CADPS: variants seen among roughly 807,000 people sequenced by gnomAD.
The protein encoded by CADPS is calcium dependent secretion activator, also known as calcium-dependent secretion activator 1.
In CADPS, 57 loss-of-function variants were observed where a neutral mutation model predicts 167.3. The observed-to-expected ratio is 0.34, with a 90% CI of 0.28 to 0.42. CADPS has a LOEUF of 0.42. Ranked by LOEUF, CADPS falls within the 20% of genes least tolerant of loss-of-function variation. CADPS has a pLI of 1.00. For synonymous variants in CADPS, 676 were observed against 635.3 expected (o/e 1.06, Z -0.96); for missense variants, 1,414 against 1,738.1 (o/e 0.81, Z 3.32).
intron 29 of CADPS, among the ~76,000 whole-genome samples, chr3:62,400,810 G>C (rs1456877758): frequency 6.6e-6 from 1 of 151,926 alleles, no homozygotes; most frequent in Non-Finnish European, 1.5e-5. Flanking sequence ...ATGTTGGCCA[G>C]GATGGTCTTG....
chr3:62,860,443 T>A (rs764357889), intron 1 of CADPS, among the ~76,000 whole-genome samples: 13 of 152,136 alleles, frequency 8.5e-5, no homozygotes, highest in Admixed American at 2.0e-4. Context: ...CGTTCTGGCA[T>A]ACACTAAAAT....
At chr3:62,671,257 C>T (rs983325182) in intron 3 of CADPS, among the ~76,000 whole-genome samples, 1 of 151,866 alleles carries the variant, frequency 6.6e-6, no homozygotes, top group African/African-American at 2.4e-5. Context: ...TGTTTTTTAT[C>T]CAGCATAGAG....
At chr3:62,517,485 CA>C (rs772936494) in intron 14 of CADPS, among the ~76,000 whole-genome samples, 6 of 152,154 alleles carry the variant, frequency 3.9e-5, no homozygotes, top group Non-Finnish European at 8.8e-5. Flanking sequence ...CTCCAGCCTC[CA>C]GTTCTATATC....
rs999337335 is a variant in CADPS, at chr3:62,602,176, C to T, written c.1326-9428G>A. On this transcript the variant is annotated intron_variant, in intron 6 of 29. Coordinates refer to ENST00000383710, the MANE Select transcript of CADPS (RefSeq NM_003716.4). The surrounding 1 kb of genome is among the most constrained non-coding windows in gnomAD (Gnocchi z 4.4). ...ACCTTTGACAACAGAGTGATATTTA[C>T]GAATGCATATGTGAGTAAGCCAAGA... Among the ~76,000 whole-genome samples the T allele has an allele frequency of 5.4e-5, 8 of 148,178 alleles. No homozygotes were observed. The highest frequency in any genetic ancestry group is 1.2e-4 in the Non-Finnish European group (8 of 67,766).
chr3:62,632,668 C>T lies in CADPS; in HGVS notation c.1325+13054G>A, dbSNP rs183898590. Among the ~76,000 whole-genome samples the T allele has an allele frequency of 3.4e-4, 51 of 152,170 alleles. 1 individual carries two copies. The highest frequency in any genetic ancestry group is 1.2e-3 in the African/African-American group (50 of 41,500). On this transcript the variant is annotated intron_variant, in intron 6 of 29. Transcript: ENST00000383710. The stretch of plus-strand genomic sequence containing the variant: ...TAGGTTATTTCTCAAAATAGTTTCC[C>T]GTTAATAATACCTCCCTACCTAGCA...
chr3:62,875,059 GC>G lies in CADPS; in HGVS notation c.-31del. The stretch of plus-strand genomic sequence containing the variant: ...GCGCCTGGGGAGCGGGGTCTCTGGA[GC>G]CCCCGGCTTGGAGTGCAAAAGGTGG... On this transcript the variant is annotated 5_prime_UTR_variant, in exon 1 of 30. Coordinates refer to ENST00000383710, the MANE Select transcript of CADPS (RefSeq NM_003716.4). 9 of 1,561,768 alleles carry G rather than the reference GC, an allele frequency of 5.8e-6. No individual in the cohort carries two copies. Among genetic ancestry groups the G allele is most frequent in the East Asian group, 2.5e-5 (1 of 39,452 alleles).
chr3:62,519,581 A>C (rs1272438053), intron 13 of CADPS, among the ~76,000 whole-genome samples: 1 of 152,170 alleles, frequency 6.6e-6, no homozygotes, highest in Non-Finnish European at 1.5e-5. Flanking sequence ...GGTTGCCTTC[A>C]AATTCTCTGG....
chr3:62,826,136 G>C (rs1042061369), intron 1 of CADPS, among the ~76,000 whole-genome samples: 1 of 152,166 alleles, frequency 6.6e-6, no homozygotes, highest in African/African-American at 2.4e-5. Flanking sequence ...AGATGCAGTG[G>C]AGGCAGATGA....
chr3:62,800,279 T>C (rs2093682688), intron 1 of CADPS, among the ~76,000 whole-genome samples: 1 of 152,112 alleles, frequency 6.6e-6, no homozygotes, highest in African/African-American at 2.4e-5. Context: ...TTTAAAATGA[T>C]AGTCATCATC....
intron 6 of CADPS, among the ~76,000 whole-genome samples, chr3:62,611,136 C>T (rs752306512): frequency 6.6e-6 from 1 of 152,084 alleles, no homozygotes; most frequent in Non-Finnish European, 1.5e-5. Flanking sequence ...TCATAGGCAC[C>T]CCACATAACA....
chr3:62,649,748 C>T (rs1043628749), intron 5 of CADPS, among the ~76,000 whole-genome samples: 1 of 151,150 alleles, frequency 6.6e-6, no homozygotes, highest in Non-Finnish European at 1.5e-5. Context: ...AGAGATGTCT[C>T]ACTATGTTGC....
At chr3:62,865,385 T>TAAAA (rs35780515) in intron 1 of CADPS, among the ~76,000 whole-genome samples, 13 of 110,130 alleles carry the variant, frequency 1.2e-4, no homozygotes, top group African/African-American at 4.4e-4. Flanking sequence ...ACTTAAGGAT[T>TAAAA]AAAAAAAAAA....
rs529003942 is a variant in CADPS at position 62,678,504 on chromosome 3, T to C, written c.889-16110A>G. 5.7e-4 allele frequency among the ~76,000 whole-genome samples: 87 copies of C among 152,152 alleles called. 1 individual carries two copies. The South Asian group carries it at 0.017, about 30-fold the overall frequency. ...CTGTGTTTCTCAGGAATTTTTTTTT[T>C]CCACTGGAATGAGAAACCACACTTA... On this transcript the variant is annotated intron_variant, in intron 3 of 29. Coordinates refer to ENST00000383710, the MANE Select transcript of CADPS (RefSeq NM_003716.4).
At chr3:62,857,762 T>C (rs966208140) in intron 1 of CADPS, among the ~76,000 whole-genome samples, 1 of 152,070 alleles carries the variant, frequency 6.6e-6, no homozygotes, top group African/African-American at 2.4e-5. Flanking sequence ...AAATTTTTAT[T>C]TTATGTATTT....
chr3:62,848,445 T>C (rs1318218337), intron 1 of CADPS, among the ~76,000 whole-genome samples: 5 of 108,888 alleles, frequency 4.6e-5, no homozygotes, highest in African/African-American at 1.8e-4. Flanking sequence ...CCATCTTGAA[T>C]TGATTTTTGT....
At position 62,491,531 on chromosome 3, in the gene CADPS, C is replaced by T. The variant is rs186586405; in HGVS notation, c.2885-51G>A. 3,400 of 1,310,642 alleles carry T rather than the reference C, an allele frequency of 2.6e-3. 8 individuals carry two copies. The highest frequency in any genetic ancestry group is 3.2e-3 in the Non-Finnish European group (3,044 of 944,590). 81.2% of individuals were successfully genotyped at this position (1,310,642 alleles called of 1,614,324 possible). On this transcript the variant is annotated intron_variant, in intron 20 of 29. Coordinates refer to ENST00000383710, the MANE Select transcript of CADPS (RefSeq NM_003716.4). The stretch of plus-strand genomic sequence containing the variant: ...TAAGAACCCACAGCTACTTTATCAA[C>T]GTACAACACACACACACACACACAC...
intron 3 of CADPS, among the ~76,000 whole-genome samples, chr3:62,751,048 C>G (rs112960573): frequency 0.017 from 2,614 of 152,116 alleles, 83 homozygotes; most frequent in African/African-American, 0.059. Context: ...AAAGGTTTTC[C>G]CATTATGAAG....
At chr3:62,770,476 A>C (rs1298116422) in intron 1 of CADPS, among the ~76,000 whole-genome samples, 1 of 152,102 alleles carries the variant, frequency 6.6e-6, no homozygotes, top group African/African-American at 2.4e-5. Flanking sequence ...CCCAGGCTGG[A>C]GTGCAGTGGT....
At chr3:62,525,703 GTA>G (rs1553877501) in intron 13 of CADPS, among the ~76,000 whole-genome samples, 8 of 143,076 alleles carry the variant, frequency 5.6e-5, no homozygotes, top group African/African-American at 1.5e-4. Context: ...GTGTGTGTGT[GTA>G]TGTGTGTGTG....
Sources: allele counts gnomAD v4.1 joint callset (sites outside exome capture counted in the v4.1 genomes callset), GRCh38; gene constraint gnomAD v4.1.1; non-coding constraint Gnocchi (gnomAD v3.1); transcripts MANE v1.5; gene names NCBI Gene and HGNC (gene_info 2026-07-23, HGNC 2026-07-21).